The following RAB7A variants were observed in gnomAD, a reference collection of about 807,000 sequenced individuals.
The protein encoded by RAB7A is ras-related protein Rab-7a.
In RAB7A, 2 loss-of-function variants were observed where a neutral mutation model predicts 24.5. That is an observed-to-expected ratio of 0.08 (90% CI 0.03 to 0.26). RAB7A has a LOEUF of 0.26. RAB7A is among the 10% of genes least tolerant of loss of function. The probability of loss-of-function intolerance (pLI) is 1.00; values close to 1 mark genes in which losing one functional copy is unlikely to be tolerated. For missense variants in RAB7A, 118 were observed against 255.7 expected (o/e 0.46, Z 3.67); for synonymous variants, 100 against 95.9 (o/e 1.04, Z -0.25).
intron 3 of RAB7A, 145 bp from the exon 4 acceptor site, chr3:128,806,227 T>G: frequency 3.1e-6 from 2 of 650,576 alleles, no homozygotes; most frequent in South Asian, 3.9e-5. Context: ...ACTCTGGTGC[T>G]GAAATTTGCT....
Position 128,795,357 on chromosome 3 carries a change from T to C in RAB7A, c.-8-3T>C. On this transcript the variant is annotated splice_region_variant and splice_polypyrimidine_tract_variant and intron_variant, in intron 1 of 5. Transcript: ENST00000265062. ...ACAGTGATTTCTCCTTTTCCCCCTT[T>C]AGTTTGAAGGATGACCTCTAGGAAG... is the stretch of plus-strand genomic sequence containing the variant. The C allele has an allele frequency of 6.2e-7, 1 of 1,610,608 alleles. No homozygotes were observed. The highest frequency in any genetic ancestry group is 8.5e-7 in the Non-Finnish European group (1 of 1,176,814).
At chr3:128,747,463 G>A (rs1042031097) in intron 1 of RAB7A, among the ~76,000 whole-genome samples, 2 of 151,506 alleles carry the variant, frequency 1.3e-5, no homozygotes, top group African/African-American at 2.4e-5. Context: ...GCACATGCCT[G>A]TAATACCAGC....
At chr3:128,729,649 A>G (rs2070414984) in intron 1 of RAB7A, among the ~76,000 whole-genome samples, 1 of 152,184 alleles carries the variant, frequency 6.6e-6, no homozygotes, top group South Asian at 2.1e-4. Context: ...AGACTTTGTA[A>G]ACAAAGATGT....
At chr3:128,796,047 G>A (rs377113455) in intron 2 of RAB7A, among the ~76,000 whole-genome samples, 4 of 152,028 alleles carry the variant, frequency 2.6e-5, no homozygotes, top group African/African-American at 4.8e-5. Context: ...CACCGCGCCC[G>A]ACCCAGATGT....
chr3:128,750,574 T>G (rs1372492235), intron 1 of RAB7A, among the ~76,000 whole-genome samples: 1 of 152,174 alleles, frequency 6.6e-6, no homozygotes, highest in East Asian at 1.9e-4. Context: ...CCAAAGAAAT[T>G]TCTAAGCAGC....
At chr3:128,752,124 C>T (rs1322159217) in intron 1 of RAB7A, among the ~76,000 whole-genome samples, 1 of 135,594 alleles carries the variant, frequency 7.4e-6, no homozygotes, top group Non-Finnish European at 1.5e-5. Flanking sequence ...CAGATTAATA[C>T]AGTGTGACCT....
chr3:128,738,093 C>CCTGAA (rs1314244951), intron 1 of RAB7A, among the ~76,000 whole-genome samples: 2 of 151,846 alleles, frequency 1.3e-5, no homozygotes, highest in Non-Finnish European at 2.9e-5. Context: ...AGTATAGTGG[C>CCTGAA]CTGAACACAG....
chr3:128,802,759 A>G (rs1182115378), intron 3 of RAB7A, among the ~76,000 whole-genome samples: 1 of 150,432 alleles, frequency 6.6e-6, no homozygotes, highest in African/African-American at 2.5e-5. Flanking sequence ...TGGCCGCCTC[A>G]GCCTCCCACG....
Position 128,814,412 on chromosome 3 carries a change from T to C in RAB7A, c.*990T>C, listed in dbSNP as rs1469511423. 2.0e-5 allele frequency: 3 copies of C among 152,234 alleles called. No individual in the cohort carries two copies. The highest frequency in any genetic ancestry group is 7.3e-5 in the African/African-American group (3 of 41,352). The allele number at this position is 152,234 out of a possible 1,614,324, so 9.4% of individuals were successfully genotyped here. The stretch of plus-strand genomic sequence containing the variant: ...AAAATTAAAATTCTCATTTTCTTTC[T>C]TTTTTTTCCCCCCTGCTCCACACTT... On this transcript the variant is annotated 3_prime_UTR_variant, in exon 6 of 6. Coordinates refer to ENST00000265062, the MANE Select transcript of RAB7A (RefSeq NM_004637.6).
intron 1 of RAB7A, among the ~76,000 whole-genome samples, chr3:128,763,208 A>ATATATATATATATATATAT (rs373993932): frequency 1.3e-5 from 1 of 76,108 alleles, no homozygotes; most frequent in African/African-American, 8.2e-5. Flanking sequence ...ATATATATAT[A>ATATATATATATATATATAT]TTTTTTTTTT....
At chr3:128,800,207 T>G (rs1022630869) in intron 3 of RAB7A, among the ~76,000 whole-genome samples, 1 of 152,124 alleles carries the variant, frequency 6.6e-6, no homozygotes, top group Non-Finnish European at 1.5e-5. Flanking sequence ...ACATGACTTA[T>G]AAAGGAACAA....
intron 1 of RAB7A, among the ~76,000 whole-genome samples, chr3:128,760,241 G>A (rs1215810689): frequency 6.6e-6 from 1 of 152,124 alleles, no homozygotes; most frequent in Non-Finnish European, 1.5e-5. Context: ...ATGGGACATA[G>A]GTGTTCTTTG....
intron 3 of RAB7A, among the ~76,000 whole-genome samples, chr3:128,805,307 GC>G (rs1311895519): frequency 1.3e-5 from 2 of 152,164 alleles, no homozygotes; most frequent in Non-Finnish European, 2.9e-5. Context: ...AGCATTTAGT[GC>G]CCTAGCCTGC....
intron 1 of RAB7A, among the ~76,000 whole-genome samples, chr3:128,780,305 C>G (rs1034400345): frequency 7.9e-5 from 12 of 152,134 alleles, no homozygotes; most frequent in African/African-American, 2.9e-4. Flanking sequence ...CTGATTAATG[C>G]TTTGTTGTAA....
intron 1 of RAB7A, among the ~76,000 whole-genome samples, chr3:128,733,742 T>G (rs34918512): frequency 6.6e-6 from 1 of 152,112 alleles, no homozygotes; most frequent in African/African-American, 2.4e-5. Context: ...CCTCAGTTAC[T>G]TCTTTAAAGG....
At chr3:128,726,806 C>T (rs1170922134) in intron 1 of RAB7A, among the ~76,000 whole-genome samples, 2 of 152,206 alleles carry the variant, frequency 1.3e-5, no homozygotes, top group African/African-American at 2.4e-5. Context: ...CGTTCCCATC[C>T]GGTTCTTCAG....
chr3:128,752,419 AAAT>A (rs1261818687), intron 1 of RAB7A, among the ~76,000 whole-genome samples: 1 of 152,074 alleles, frequency 6.6e-6, no homozygotes, highest in Non-Finnish European at 1.5e-5. Context: ...TAAAAAGAAA[AAAT>A]AATAAGAAAA....
At chr3:128,762,856 AG>A (rs1371837252) in intron 1 of RAB7A, among the ~76,000 whole-genome samples, 1 of 152,202 alleles carries the variant, frequency 6.6e-6, no homozygotes, top group Non-Finnish European at 1.5e-5. Flanking sequence ...AAAGAGACTC[AG>A]TGTAAAAGAT....
intron 1 of RAB7A, among the ~76,000 whole-genome samples, chr3:128,737,934 C>G (rs2107584605): frequency 6.7e-6 from 1 of 149,212 alleles, no homozygotes; most frequent in East Asian, 2.1e-4. Flanking sequence ...TTTTGGCCTC[C>G]CAAAGTGCTA....
Sources: gnomAD v4.1 joint callset for allele counts (sites outside exome capture counted in the v4.1 genomes callset) on GRCh38, gnomAD v4.1.1 for gene constraint, MANE v1.5 for transcripts, NCBI Gene and HGNC (gene_info 2026-07-23, HGNC 2026-07-21) for gene names.